HECW2: variants seen among roughly 807,000 people sequenced by gnomAD.
The protein encoded by HECW2 is E3 ubiquitin-protein ligase HECW2.
Under a neutral mutation model 175.2 loss-of-function variants are expected in HECW2, and 61 were observed. That is an observed-to-expected ratio of 0.35 (90% CI 0.28 to 0.43). The LOEUF (loss-of-function observed/expected upper bound fraction) is 0.43, where lower values mean the gene tolerates loss of function less well. Among genes scored for constraint, HECW2 ranks in the 20% least tolerant of loss-of-function variants. HECW2 has a pLI of 1.00. For missense variants in HECW2, 1,524 were observed against 2,000.5 expected (o/e 0.76, Z 4.54); for synonymous variants, 671 against 731.0 (o/e 0.92, Z 1.32).
intron 7 of HECW2, among the ~76,000 whole-genome samples, chr2:196,321,927 A>G (rs989730464): frequency 7.2e-5 from 11 of 152,220 alleles, no homozygotes; most frequent in Admixed American, 7.2e-4. Context: ...ACAACTTACA[A>G]AAAGCTCACA....
At chr2:196,518,873 C>T (rs1575626990) in intron 1 of HECW2, among the ~76,000 whole-genome samples, 1 of 152,070 alleles carries the variant, frequency 6.6e-6, no homozygotes, top group East Asian at 1.9e-4. Context: ...TTCTGCCAGG[C>T]CTGGCCCACA....
At chr2:196,570,245 G>A (rs867405859) in intron 1 of HECW2, among the ~76,000 whole-genome samples, 7 of 152,160 alleles carry the variant, frequency 4.6e-5, no homozygotes, top group Middle Eastern at 6.8e-3. Context: ...TTTACAACAC[G>A]AGAAATGTAA....
intron 28 of HECW2, among the ~76,000 whole-genome samples, chr2:196,213,292 A>G (rs1407837231): frequency 6.6e-6 from 1 of 152,248 alleles, no homozygotes; most frequent in East Asian, 1.9e-4. Flanking sequence ...ATAAAAAGTT[A>G]AAAAAGAACA....
At chr2:196,471,314 A>G (rs900089386) in intron 1 of HECW2, among the ~76,000 whole-genome samples, 2 of 152,198 alleles carry the variant, frequency 1.3e-5, no homozygotes, top group African/African-American at 4.8e-5. Context: ...AATCAAAATT[A>G]ACCGATGCTG....
At chr2:196,357,209 C>T (rs1435282974) in intron 2 of HECW2, among the ~76,000 whole-genome samples, 1 of 152,138 alleles carries the variant, frequency 6.6e-6, no homozygotes, top group African/African-American at 2.4e-5. Flanking sequence ...ACATGACTCA[C>T]CTCCTTCTCC....
chr2:196,392,605 T>C (rs958596906), intron 2 of HECW2, among the ~76,000 whole-genome samples: 1 of 152,122 alleles, frequency 6.6e-6, no homozygotes, highest in Admixed American at 6.6e-5. Flanking sequence ...CAGAAAAGCA[T>C]GAATCATTCT....
At chr2:196,264,279 G>A (rs1430567525) in intron 17 of HECW2, 1 of 152,134 alleles carries the variant, frequency 6.6e-6, no homozygotes, top group African/African-American at 2.4e-5. Context: ...ACTGGTTTCA[G>A]CACTGATATT....
chr2:196,424,794 T>C (rs1410127724), intron 2 of HECW2, among the ~76,000 whole-genome samples: 1 of 152,118 alleles, frequency 6.6e-6, no homozygotes. Flanking sequence ...AAGTACAAAG[T>C]AAAACAGCAA....
chr2:196,505,095 T>C (rs149188084), intron 1 of HECW2, among the ~76,000 whole-genome samples: 11 of 152,274 alleles, frequency 7.2e-5, no homozygotes, highest in African/African-American at 2.6e-4. Flanking sequence ...ATCAGCTCCA[T>C]CATGCCTTAA....
chr2:196,360,172 C>T (rs755641135), intron 2 of HECW2, among the ~76,000 whole-genome samples: 3 of 152,118 alleles, frequency 2.0e-5, no homozygotes, highest in South Asian at 2.1e-4. Context: ...AACTGCCATT[C>T]GACCCAGCAA....
intron 1 of HECW2, among the ~76,000 whole-genome samples, chr2:196,520,135 A>G (rs1166808788): frequency 6.6e-6 from 1 of 152,214 alleles, no homozygotes; most frequent in Non-Finnish European, 1.5e-5. Context: ...AAAGTAATGT[A>G]CCAACGTTGA....
intron 21 of HECW2, among the ~76,000 whole-genome samples, chr2:196,229,288 T>G (rs939747888): frequency 7.2e-5 from 11 of 152,064 alleles, no homozygotes; most frequent in Non-Finnish European, 1.2e-4. Flanking sequence ...AATTTTTTTT[T>G]TGTGGGCATC....
rs1692469755 is a variant in HECW2, at chr2:196,334,280, T to C, written c.495+144A>G. The C allele has an allele frequency of 2.0e-5, 12 of 586,480 alleles. No individual in the cohort carries two copies. In the East Asian group the frequency reaches 3.4e-4, roughly 16 times the overall value. The allele number at this position is 586,480 out of a possible 1,614,324, so 36.3% of individuals were successfully genotyped here. On this transcript the variant is annotated intron_variant, in intron 4 of 28. Transcript: ENST00000644978. ...TCAGGTGTGCCAACCTTGTAAGCTA[T>C]TTCCTTTCCTATAACAGTGCCCACA... is the stretch of plus-strand genomic sequence containing the variant.
At chr2:196,311,288 G>C (rs912204905) in intron 10 of HECW2, among the ~76,000 whole-genome samples, 1 of 152,180 alleles carries the variant, frequency 6.6e-6, no homozygotes, top group African/African-American at 2.4e-5. Context: ...AGATTCCTAT[G>C]ATGCACCCCA....
At chr2:196,434,214 G>A (rs1317358555) in intron 1 of HECW2, among the ~76,000 whole-genome samples, 1 of 152,166 alleles carries the variant, frequency 6.6e-6, no homozygotes, top group Non-Finnish European at 1.5e-5. Flanking sequence ...CTGCTACACG[G>A]TACATGTCGA....
At chr2:196,317,072 C>A (rs887328263) in intron 10 of HECW2, 5 of 509,872 alleles carry the variant, frequency 9.8e-6, no homozygotes, top group Non-Finnish European at 1.8e-5. Context: ...TTTACAGCTG[C>A]CCTTTCTTTC....
At chr2:196,517,669 C>T (rs1688199061) in intron 1 of HECW2, among the ~76,000 whole-genome samples, 1 of 152,150 alleles carries the variant, frequency 6.6e-6, no homozygotes, top group South Asian at 2.1e-4. Context: ...AATAATACTA[C>T]AGTTACCTTT....
At chr2:196,226,197 G>T (rs1687843956) in intron 22 of HECW2, among the ~76,000 whole-genome samples, 1 of 151,546 alleles carries the variant, frequency 6.6e-6, no homozygotes, top group African/African-American at 2.4e-5. Flanking sequence ...ATGAAATCTG[G>T]TCATATAAAA....
At chr2:196,540,879 T>A (rs1396766305) in intron 1 of HECW2, among the ~76,000 whole-genome samples, 1 of 152,168 alleles carries the variant, frequency 6.6e-6, no homozygotes, top group African/African-American at 2.4e-5. Flanking sequence ...TGGCTGTTCC[T>A]CCCATTTACT....
Sources: allele counts gnomAD v4.1 joint callset (sites outside exome capture counted in the v4.1 genomes callset), GRCh38; gene constraint gnomAD v4.1.1; transcripts MANE v1.5; gene names NCBI Gene and HGNC (gene_info 2026-07-23, HGNC 2026-07-21).